ENTPD3: variants seen among roughly 807,000 people sequenced by gnomAD.
The protein encoded by ENTPD3 is CD39 antigen-like 3.
A neutral mutation model predicts 51.2 loss-of-function variants in ENTPD3; 60 were observed. The ratio of observed to expected loss-of-function variants is 1.17; its 90% CI spans 0.95 to 1.45. The LOEUF is 1.45. Among genes scored for constraint, ENTPD3 ranks in the 40% most tolerant of loss-of-function variants. The probability of loss-of-function intolerance (pLI) is 0.00; values close to 1 mark genes in which losing one functional copy is unlikely to be tolerated. For synonymous variants in ENTPD3, 221 were observed against 238.4 expected (o/e 0.93, Z 0.67); for missense variants, 593 against 641.1 (o/e 0.93, Z 0.81).
chr3:40,396,284 T>TA (rs1214433688), intron 3 of ENTPD3, among the ~76,000 whole-genome samples: 1 of 152,232 alleles, frequency 6.6e-6, no homozygotes, highest in Non-Finnish European at 1.5e-5. Context: ...TTTCTCAGGA[T>TA]ATGGAGAGAT....
intron 5 of ENTPD3, among the ~76,000 whole-genome samples, chr3:40,412,971 T>C (rs1473960542): frequency 2.6e-5 from 4 of 152,230 alleles, no homozygotes; most frequent in Non-Finnish European, 5.9e-5. Flanking sequence ...AAAAACTCCT[T>C]CCTTTTGCTT....
chr3:40,423,375 A>T lies in ENTPD3; in HGVS notation c.1189A>T (p.Asn397Tyr). 1 of 1,613,550 alleles carries T rather than the reference A, an allele frequency of 6.2e-7. No individual in the cohort carries two copies. The highest frequency in any genetic ancestry group is 8.5e-7 in the Non-Finnish European group (1 of 1,179,506). ...GGACACCTTCAACTCCAGCACCTGG[A>T]ATTTCTGCTCACAGAATTGGAGTCA... ...SLDTFNSSTW[N>Y]FCSQNWSQLP... is the part of the protein sequence containing the mutation. Residue 397 changes from asparagine (N) to tyrosine (Y), a missense_variant, in exon 9 of 11, where the codon AAT (asparagine) becomes TAT (tyrosine). By Grantham distance (143) the Asn-to-Tyr change is moderately radical. Coordinates refer to ENST00000301825, the MANE Select transcript of ENTPD3 (RefSeq NM_001248.4).
Position 40,427,601 on chromosome 3 carries a change from A to G in ENTPD3, c.*93A>G. 4 of 921,118 alleles carry G rather than the reference A, an allele frequency of 4.3e-6. No homozygotes were observed. The South Asian group carries it at 5.9e-5, about 14-fold the overall frequency. 57.1% of individuals were successfully genotyped at this position (921,118 alleles called of 1,614,324 possible). A position where few individuals can be genotyped will look rare whatever the true frequency, so the allele number is the denominator to read the frequency against. Reference sequence around the variant, plus strand: ...GGTGAAGTGGCTGCCTTCAGGAAATACAACTAACTAAAATCAAACACCTAG... The same window carrying G: ...GGTGAAGTGGCTGCCTTCAGGAAATGCAACTAACTAAAATCAAACACCTAG... On this transcript the variant is annotated 3_prime_UTR_variant, in exon 11 of 11. Coordinates refer to ENST00000301825, the MANE Select transcript of ENTPD3 (RefSeq NM_001248.4).
At position 40,416,009 on chromosome 3, in the gene ENTPD3, C is replaced by T. The variant is rs937834426; in HGVS notation, c.767C>T (p.Thr256Ile). The T allele has an allele frequency of 7.4e-6, 12 of 1,614,080 alleles. No homozygotes were observed. Among genetic ancestry groups the T allele is most frequent in the Non-Finnish European group, 1.0e-5 (12 of 1,179,990 alleles). Residue 256 changes from threonine to isoleucine, a missense_variant, in exon 7 of 11, where the codon ACA (threonine) becomes ATA (isoleucine). Coordinates refer to ENST00000301825, the MANE Select transcript of ENTPD3 (RefSeq NM_001248.4). ...TATGGCTACGTATACACGCTCTACA[C>T]ACACAGCTTCCAGTGCTATGGCCGG... ...SLYGYVYTLY[T>I]HSFQCYGRNE...
At position 40,423,282 on chromosome 3, in the gene ENTPD3, T is replaced by G; in HGVS notation, c.1105-9T>G. ...AGAACTAATTTTCTTCTGTATTACT[T>G]ATTTCCAGGCTTTTGCAGGATTCTA... On this transcript the variant is annotated splice_polypyrimidine_tract_variant and intron_variant, in intron 8 of 10. Transcript: ENST00000301825. 6.2e-7 allele frequency: 1 copy of G among 1,609,514 alleles called. No individual in the cohort carries two copies. The highest frequency in any genetic ancestry group is 8.5e-7 in the Non-Finnish European group (1 of 1,176,196).
chr3:40,420,925 C>T (rs1173977128), intron 7 of ENTPD3, among the ~76,000 whole-genome samples: 2 of 151,914 alleles, frequency 1.3e-5, no homozygotes, highest in Non-Finnish European at 2.9e-5. Flanking sequence ...GAGGCTAAGG[C>T]AGGAGAATCT....
rs765123644 is a variant in ENTPD3 at position 40,416,080 on chromosome 3, G to A, written c.831+7G>A. 6.2e-7 allele frequency: 1 copy of A among 1,609,834 alleles called. No homozygotes were observed. Among genetic ancestry groups the A allele is most frequent in the Non-Finnish European group, 8.5e-7 (1 of 1,176,666 alleles). On this transcript the variant is annotated splice_region_variant and intron_variant, in intron 7 of 10. Transcript: ENST00000301825. ...TCTGGCAATGCTCCTGCAGGTACTT[G>A]AGTCGGGGGTAGGGGGTGGCAGGTG...
At chr3:40,389,426 T>C (rs1021729667) in intron 2 of ENTPD3, among the ~76,000 whole-genome samples, 4 of 152,216 alleles carry the variant, frequency 2.6e-5, no homozygotes, top group Admixed American at 6.5e-5. Context: ...TCCATTGCTA[T>C]TACCCACAAT....
At chr3:40,426,351 C>T (rs573880857) in intron 10 of ENTPD3, among the ~76,000 whole-genome samples, 10 of 151,750 alleles carry the variant, frequency 6.6e-5, no homozygotes, top group African/African-American at 2.2e-4. Context: ...CAGGTGATCC[C>T]GCCTCGGCCT....
chr3:40,392,437 A>G (rs1955081149), intron 3 of ENTPD3: 4 of 351,350 alleles, frequency 1.1e-5, no homozygotes, highest in Non-Finnish European at 5.1e-6. Flanking sequence ...AGTTGCAGAT[A>G]GCTATCAAAG....
At position 40,416,074 on chromosome 3, in the gene ENTPD3, G is replaced by C; in HGVS notation, c.831+1G>C. The C allele has an allele frequency of 1.2e-6, 2 of 1,612,386 alleles. No homozygotes were observed. Among genetic ancestry groups the C allele is most frequent in the South Asian group, 2.2e-5 (2 of 90,862 alleles). On this transcript the variant is annotated splice_donor_variant, in intron 7 of 10. Transcript: ENST00000301825. LOFTEE classifies it high-confidence loss of function. ...GAAGTTTCTGGCAATGCTCCTGCAG[G>C]TACTTGAGTCGGGGGTAGGGGGTGG... is the stretch of plus-strand genomic sequence containing the variant.
intron 10 of ENTPD3, 148 bp from the exon 11 acceptor site, chr3:40,427,124 T>C: frequency 1.5e-6 from 1 of 657,380 alleles, no homozygotes; most frequent in Non-Finnish European, 2.7e-6. Flanking sequence ...GGCTACAGTG[T>C]GGTGTCTTAA....
At chr3:40,414,577 C>A in intron 5 of ENTPD3, 104 bp from the exon 6 acceptor site, 2 of 1,261,508 alleles carry the variant, frequency 1.6e-6, no homozygotes, top group South Asian at 2.8e-5. Context: ...TCATCCCCAC[C>A]AGCAGGGAGA....
At chr3:40,394,048 CAAAAAAAA>C (rs559701033) in intron 3 of ENTPD3, among the ~76,000 whole-genome samples, 148 of 64,426 alleles carry the variant, frequency 2.3e-3, no homozygotes, top group African/African-American at 0.01. Context: ...GACTCTGTCT[CAAAAAAAA>C]AAAAAAAAAA....
chr3:40,397,826 C>CGAAG (rs1955245358), intron 3 of ENTPD3, among the ~76,000 whole-genome samples: 1 of 152,106 alleles, frequency 6.6e-6, no homozygotes, highest in Non-Finnish European at 1.5e-5. Flanking sequence ...AAGACTGCTT[C>CGAAG]CTTTCAGTTA....
At chr3:40,412,768 T>C (rs1185103551) in intron 5 of ENTPD3, among the ~76,000 whole-genome samples, 6 of 152,154 alleles carry the variant, frequency 3.9e-5, no homozygotes, top group Non-Finnish European at 5.9e-5. Flanking sequence ...TCCTTTAACA[T>C]GATAATGAAA....
At chr3:40,412,738 A>T (rs1478408360) in intron 5 of ENTPD3, among the ~76,000 whole-genome samples, 1 of 152,162 alleles carries the variant, frequency 6.6e-6, no homozygotes, top group Non-Finnish European at 1.5e-5. Context: ...GAGCATTAAT[A>T]AAAAAAGAAC....
At chr3:40,387,917 T>C in intron 1 of ENTPD3, 129 bp from the exon 2 acceptor site, 1 of 675,150 alleles carries the variant, frequency 1.5e-6, no homozygotes, top group East Asian at 2.7e-5. Context: ...GGGTTCGGCT[T>C]ACCTTTCCCG....
intron 5 of ENTPD3, among the ~76,000 whole-genome samples, chr3:40,413,337 G>A (rs1955676722): frequency 6.6e-6 from 1 of 152,188 alleles, no homozygotes; most frequent in Admixed American, 6.5e-5. Context: ...ATAAGTTTCA[G>A]AACAGGACCT....
Sources: allele counts gnomAD v4.1 joint callset (sites outside exome capture counted in the v4.1 genomes callset), GRCh38; gene constraint gnomAD v4.1.1; transcripts MANE v1.5; gene names NCBI Gene and HGNC (gene_info 2026-07-23, HGNC 2026-07-21).